The following PLG variants were observed in gnomAD, a reference collection of about 807,000 sequenced individuals.
PLG encodes the protein plasmin.
PLG carries 41 observed loss-of-function variants against 104.4 expected under a neutral mutation model. The ratio of observed to expected loss-of-function variants is 0.39; its 90% CI spans 0.31 to 0.51. PLG has a LOEUF of 0.51. Among genes scored for constraint, PLG ranks in the 20% least tolerant of loss-of-function variants. The pLI is 0.76. For synonymous variants in PLG, 337 were observed against 357.1 expected (o/e 0.94, Z 0.63); for missense variants, 891 against 1,003.6 (o/e 0.89, Z 1.52).
rs773350034 is a variant in PLG, at chr6:160,731,163, A to G, written c.1369A>G (p.Thr457Ala). The G allele has an allele frequency of 3.1e-6, 5 of 1,614,118 alleles. No individual in the cohort carries two copies. The East Asian group carries it at 8.9e-5, about 29-fold the overall frequency. Residue 457 changes from threonine to alanine, a missense_variant, in exon 11 of 19, where the codon ACA (threonine) becomes GCA (alanine). Thr to Ala is a moderately conservative substitution (Grantham distance 58). Coordinates refer to ENST00000308192, the MANE Select transcript of PLG (RefSeq NM_000301.5). This position sits in a 1 kb window ranked among gnomAD's most constrained non-coding sequence, Gnocchi z 5.1. ...CTGCAACCTGAAAAAATGCTCAGGA[A>G]CAGAAGCGAGTGTTGTAGCACCTCC... is the stretch of plus-strand genomic sequence containing the variant. Reference protein sequence around the residue: ...EYCNLKKCSGTEASVVAPPPV... With the variant: ...EYCNLKKCSGAEASVVAPPPV...
chr6:160,712,693 T>G (rs1777665753), intron 4 of PLG, among the ~76,000 whole-genome samples: 1 of 152,174 alleles, frequency 6.6e-6, no homozygotes, highest in Non-Finnish European at 1.5e-5. Flanking sequence ...TGGAATGAAT[T>G]AAGACCATGG....
At chr6:160,720,231 T>C (rs571601677) in intron 9 of PLG, among the ~76,000 whole-genome samples, 104 of 152,176 alleles carry the variant, frequency 6.8e-4, no homozygotes, top group Non-Finnish European at 1.0e-3. Context: ...TTTGTTCCTA[T>C]GTTTTCAATA....
Position 160,734,014 on chromosome 6 carries a change from G to C in PLG, c.1607G>C (p.Gly536Ala). 1 of 1,607,634 alleles carries C rather than the reference G, an allele frequency of 6.2e-7. No homozygotes were observed. Among genetic ancestry groups the C allele is most frequent in the Non-Finnish European group, 8.5e-7 (1 of 1,174,312 alleles). Residue 536 changes from glycine to alanine, a missense_variant, in exon 13 of 19, where the codon GGT becomes GCT. This residue lies in a region of PLG where 854 missense variants were observed against 932.1 expected (regional missense o/e 0.92). Coordinates refer to ENST00000308192, the MANE Select transcript of PLG (RefSeq NM_000301.5). The surrounding 1 kb of genome is among the most constrained non-coding windows in gnomAD (Gnocchi z 4.4). ...LEKNYCRNPD[G>A]DVGGPWCYTT... ...TTTCAGTACTGCCGTAACCCTGATG[G>C]TGATGTAGGTGGTCCCTGGTGCTAC...
rs533226294 is a variant in PLG at position 160,738,827 on chromosome 6, T to C, written c.1877+215T>C. Among the ~76,000 whole-genome samples the C allele has an allele frequency of 1.3e-5, 2 of 152,116 alleles. No individual in the cohort carries two copies. Among genetic ancestry groups the C allele is most frequent in the African/African-American group, 4.8e-5 (2 of 41,422 alleles). ...CACAGTACAGATGATTTTGTGGGCC[T>C]GAATAAACTGCAGAACAGAGCTGTT... is the stretch of plus-strand genomic sequence containing the variant. On this transcript the variant is annotated intron_variant, in intron 15 of 18. Coordinates refer to ENST00000308192, the MANE Select transcript of PLG (RefSeq NM_000301.5). The surrounding 1 kb of genome is among the most constrained non-coding windows in gnomAD (Gnocchi z 6.8).
intron 1 of PLG, among the ~76,000 whole-genome samples, chr6:160,704,466 A>C (rs1353284277): frequency 1.3e-5 from 2 of 152,208 alleles, no homozygotes; most frequent in South Asian, 4.1e-4. Flanking sequence ...GTTTAACTGA[A>C]CTCACTGTAG....
chr6:160,719,151 TCTC>T lies in PLG; in HGVS notation c.1096+319_1096+321del, dbSNP rs1358342085. Among the ~76,000 whole-genome samples the T allele has an allele frequency of 1.3e-5, 2 of 152,218 alleles. No individual in the cohort carries two copies. Among genetic ancestry groups the T allele is most frequent in the African/African-American group, 4.8e-5 (2 of 41,466 alleles). On this transcript the variant is annotated intron_variant, in intron 9 of 18. Coordinates refer to ENST00000308192, the MANE Select transcript of PLG (RefSeq NM_000301.5). This position sits in a 1 kb window ranked among gnomAD's most constrained non-coding sequence, Gnocchi z 4.1. ...CTTCTGTATCCTTACTGATTGTCTG[TCTC>T]CTCCTTCATTGACTACTGTGGATGA...
At chr6:160,733,846 GAAA>G (rs10540264) in intron 12 of PLG, 146 bp from the exon 13 acceptor site, 10,838 of 347,040 alleles carry the variant, frequency 0.031, 311 homozygotes, top group African/African-American at 0.18. Flanking sequence ...CTCCACCTCA[GAAA>G]AAAAAAAAAA....
chr6:160,747,374 G>A (rs577720221), intron 17 of PLG, among the ~76,000 whole-genome samples: 3 of 152,266 alleles, frequency 2.0e-5, no homozygotes, highest in South Asian at 4.1e-4. Flanking sequence ...CATCAGCCTA[G>A]TCCCCTTGGC....
Position 160,731,529 on chromosome 6 carries a change from A to G in PLG, c.1439-216A>G, listed in dbSNP as rs4252190. ...GTATCCCAGTCCAAATTCGTATTCT[A>G]TCATGCTGCCATATGTGTGATTCTT... is the stretch of plus-strand genomic sequence containing the variant. On this transcript the variant is annotated intron_variant, in intron 11 of 18. Transcript: ENST00000308192. The surrounding 1 kb of genome is among the most constrained non-coding windows in gnomAD (Gnocchi z 5.1). Among the ~76,000 whole-genome samples, 171 of 152,292 alleles carry G rather than the reference A, an allele frequency of 1.1e-3. No homozygotes were observed. Among genetic ancestry groups the G allele is most frequent in the Non-Finnish European group, 2.0e-3 (136 of 68,036 alleles).
At chr6:160,720,250 T>C (rs1459210228) in intron 9 of PLG, among the ~76,000 whole-genome samples, 1 of 152,062 alleles carries the variant, frequency 6.6e-6, no homozygotes, top group Non-Finnish European at 1.5e-5. Context: ...TAGGTCATTT[T>C]TCTCTGACTA....
At chr6:160,714,986 T>A in intron 6 of PLG, 72 bp downstream of exon 6, 1 of 1,468,868 alleles carries the variant, frequency 6.8e-7, no homozygotes, top group Non-Finnish European at 9.5e-7. Flanking sequence ...TTGCTGTCAT[T>A]TAGATATTTT....
In PLG at chr6:160,739,546, A is replaced by G. The variant is rs1022852650; in HGVS notation, c.2018+338A>G. 2.6e-5 allele frequency among the ~76,000 whole-genome samples: 4 copies of G among 152,198 alleles called. No individual in the cohort carries two copies. The highest frequency in any genetic ancestry group is 9.7e-5 in the African/African-American group (4 of 41,450). Reference sequence around the variant, plus strand: ...CCAGGCTGACAATTCCCCCTTCATCATAATATGTTTAAGAGAATCATATAA... The same window carrying G: ...CCAGGCTGACAATTCCCCCTTCATCGTAATATGTTTAAGAGAATCATATAA... On this transcript the variant is annotated intron_variant, in intron 16 of 18. Transcript: ENST00000308192. The surrounding 1 kb of genome is among the most constrained non-coding windows in gnomAD (Gnocchi z 4.4).
Position 160,740,388 on chromosome 6 carries a change from C to G in PLG, c.2019-923C>G, listed in dbSNP as rs1472200271. ...AGCTGGGGTGTTCTGATGGCTTGAA[C>G]AAGTAATTTGGAAATTTTGGGTTTT... On this transcript the variant is annotated intron_variant, in intron 16 of 18. Transcript: ENST00000308192. The surrounding 1 kb of genome is among the most constrained non-coding windows in gnomAD (Gnocchi z 5.2). 6.6e-6 allele frequency among the ~76,000 whole-genome samples: 1 copy of G among 152,170 alleles called. No individual in the cohort carries two copies. Among genetic ancestry groups the G allele is most frequent in the Non-Finnish European group, 1.5e-5 (1 of 68,036 alleles).
Position 160,710,455 on chromosome 6 carries a change from C to T in PLG, c.293-622C>T, listed in dbSNP as rs186799530. Among the ~76,000 whole-genome samples, 456 of 149,624 alleles carry T rather than the reference C, an allele frequency of 3.0e-3. 5 individuals are homozygous for T. In the East Asian group the frequency reaches 0.036, roughly 12 times the overall value. ...GCTGCATGTGGACCCAGGTGGGCAC[C>T]GGACTGTTTTAAACACAGGAGAGGG... On this transcript the variant is annotated intron_variant, in intron 3 of 18. Transcript: ENST00000308192.
upstream of PLG, chr6:160,702,230 G>A (rs1166400342): frequency 2.6e-6 from 4 of 1,546,410 alleles, no homozygotes; most frequent in Non-Finnish European, 2.7e-6. Context: ...GTTTGTGGAT[G>A]CGTTTACTCT....
Position 160,744,651 on chromosome 6 carries a change from G to A in PLG, c.2125+3234G>A, listed in dbSNP as rs1162117356. Among the ~76,000 whole-genome samples, 1 of 151,984 alleles carries A rather than the reference G, an allele frequency of 6.6e-6. No individual in the cohort carries two copies. The highest frequency in any genetic ancestry group is 6.6e-5 in the Admixed American group (1 of 15,252). ...TCTTTTGAATGAATTTTCATGTCTT[G>A]ACTTTCTTCAGTTCAGCTCTGATTT... On this transcript the variant is annotated intron_variant, in intron 17 of 18. Coordinates refer to ENST00000308192, the MANE Select transcript of PLG (RefSeq NM_000301.5). This position sits in a 1 kb window ranked among gnomAD's most constrained non-coding sequence, Gnocchi z 4.5.
rs568531576 is a variant in PLG, at chr6:160,737,047, C to T, written c.1802+40C>T. ...AGAAACGATTTATACTGTCCCTCCA[C>T]GTAAGCCCTGCAAAACCCTTCTACA... On this transcript the variant is annotated intron_variant, in intron 14 of 18. Transcript: ENST00000308192. The surrounding 1 kb of genome is among the most constrained non-coding windows in gnomAD (Gnocchi z 4.7). 2.1e-5 allele frequency: 34 copies of T among 1,609,992 alleles called. No individual in the cohort carries two copies. Among genetic ancestry groups the T allele is most frequent in the African/African-American group, 6.7e-5 (5 of 74,902 alleles).
chr6:160,723,361 C>A lies in PLG; in HGVS notation c.1256+794C>A, dbSNP rs1372018133. ...ACAGCTTTTCTTCCATAAATGAGTA[C>A]ACAATATATGGAAAAAACTATTTTT... On this transcript the variant is annotated intron_variant, in intron 10 of 18. Transcript: ENST00000308192. This position sits in a 1 kb window ranked among gnomAD's most constrained non-coding sequence, Gnocchi z 4.7. 6.6e-6 allele frequency among the ~76,000 whole-genome samples: 1 copy of A among 151,984 alleles called. No individual in the cohort carries two copies. Among genetic ancestry groups the A allele is most frequent in the African/African-American group, 2.4e-5 (1 of 41,374 alleles).
Position 160,734,223 on chromosome 6 carries a change from T to C in PLG, c.1681+135T>C. The C allele has an allele frequency of 1.6e-6, 1 of 628,048 alleles. No homozygotes were observed. 38.9% of individuals were successfully genotyped at this position (628,048 alleles called of 1,614,324 possible). A position where few individuals can be genotyped will look rare whatever the true frequency, so the allele number is the denominator to read the frequency against. ...CTCCATCAGACCCCACTCTTCATCATGGGCATCTTGAATCTGCCCTACTAT... is the reference window on the plus strand; with the variant it reads ...CTCCATCAGACCCCACTCTTCATCACGGGCATCTTGAATCTGCCCTACTAT... On this transcript the variant is annotated intron_variant, in intron 13 of 18. Coordinates refer to ENST00000308192, the MANE Select transcript of PLG (RefSeq NM_000301.5). The surrounding 1 kb of genome is among the most constrained non-coding windows in gnomAD (Gnocchi z 4.4).
Sources: gnomAD v4.1 joint callset for allele counts (sites outside exome capture counted in the v4.1 genomes callset) on GRCh38, gnomAD v4.1.1 for gene constraint, gnomAD v4.1.1 regional missense constraint, Gnocchi (gnomAD v3.1) non-coding constraint, MANE v1.5 for transcripts, NCBI Gene and HGNC (gene_info 2026-07-23, HGNC 2026-07-21) for gene names.